The following CES3 variants were observed in gnomAD, a reference collection of about 807,000 sequenced individuals.
The protein encoded by CES3 is carboxylesterase 3.
CES3 carries 49 observed loss-of-function variants against 57.6 expected under a neutral mutation model. That is an observed-to-expected ratio of 0.85 (90% CI 0.68 to 1.08). The LOEUF (loss-of-function observed/expected upper bound fraction) is 1.08, where lower values mean the gene tolerates loss of function less well. Among genes scored for constraint, CES3 ranks in the 50% least tolerant of loss-of-function variants. The probability of loss-of-function intolerance (pLI) is 0.00; values close to 1 mark genes in which losing one functional copy is unlikely to be tolerated. For synonymous variants in CES3, 266 were observed against 281.6 expected (o/e 0.94, Z 0.55); for missense variants, 645 against 742.0 (o/e 0.87, Z 1.52).
In CES3 at chr16:66,963,879, T is replaced by TG. The variant is rs1211029742; in HGVS notation, c.508dup (p.Asp170GlyfsTer22). ...ACGATGGATCAGCTCTGGCTGCCTA[T>TG]GGGGATGTGGTCGTGGTTACAGTCC... On this transcript the variant is annotated frameshift_variant, in exon 4 of 13. Transcript: ENST00000303334. LOFTEE classifies it high-confidence loss of function. The surrounding 1 kb of genome is among the most constrained non-coding windows in gnomAD (Gnocchi z 4.9). 1 of 1,614,064 alleles carries TG rather than the reference T, an allele frequency of 6.2e-7. No individual in the cohort carries two copies. Among genetic ancestry groups the TG allele is most frequent in the East Asian group, 2.2e-5 (1 of 44,894 alleles).
At chr16:66,972,778 G>T (rs1428752484) in intron 12 of CES3, 32 bp downstream of exon 12, 2 of 1,614,066 alleles carry the variant, frequency 1.2e-6, no homozygotes, top group African/African-American at 1.3e-5. Context: ...GCTCGCTTTG[G>T]GCCTGGGATG....
At position 66,964,396 on chromosome 16, in the gene CES3, A is replaced by C. The variant is rs761461130; in HGVS notation, c.600A>C (p.Leu200=). ...ATGCACCTGGCAACCAGGGCTTCCT[A>C]GATGTGGTAGCTGCTTTGCGCTGGG... ...DEHAPGNQGF[L]DVVAALRWVQ... Residue 200 remains leucine, a synonymous_variant, in exon 5 of 13, where the codon CTA becomes CTC. Coordinates refer to ENST00000303334, the MANE Select transcript of CES3 (RefSeq NM_024922.6). 1.2e-6 allele frequency: 2 copies of C among 1,614,056 alleles called. No individual in the cohort carries two copies. Among genetic ancestry groups the C allele is most frequent in the Non-Finnish European group, 1.7e-6 (2 of 1,179,990 alleles).
At position 66,963,569 on chromosome 16, in the gene CES3, G is replaced by A. The variant is rs776871021; in HGVS notation, c.366G>A (p.Glu122=). ...AACAGCAGATCTTCTCCGTTTCAGAGGACTGCCTGGTCCTCAACGTCTATA... is the reference window on the plus strand; with the variant it reads ...AACAGCAGATCTTCTCCGTTTCAGAAGACTGCCTGGTCCTCAACGTCTATA... ...NGKQQIFSVS[E]DCLVLNVYSP... is the part of the protein sequence containing the mutation. The change falls in exon 3 of 13, where the codon GAG becomes GAA. Residue 122 remains glutamate, a synonymous_variant. Coordinates refer to ENST00000303334, the MANE Select transcript of CES3 (RefSeq NM_024922.6). This position sits in a 1 kb window ranked among gnomAD's most constrained non-coding sequence, Gnocchi z 4.9. 1.9e-6 allele frequency: 3 copies of A among 1,614,232 alleles called. No homozygotes were observed. In the South Asian group the frequency reaches 3.3e-5, roughly 18 times the overall value.
rs752624979 is a variant in CES3, at chr16:66,972,316, G to T, written c.1292-40G>T. 2.6e-6 allele frequency: 4 copies of T among 1,531,644 alleles called. No homozygotes were observed. The Admixed American group carries it at 8.4e-5, about 32-fold the overall frequency. The allele number at this position is 1,531,644 out of a possible 1,614,324, so 94.9% of individuals were successfully genotyped here. On this transcript the variant is annotated intron_variant, in intron 10 of 12. Coordinates refer to ENST00000303334, the MANE Select transcript of CES3 (RefSeq NM_024922.6). ...GCTGCCAAAGGCAGCATCGAATCAGGCCATGAGTGCCTAACTCCCATCCCA... is the reference window on the plus strand; with the variant it reads ...GCTGCCAAAGGCAGCATCGAATCAGTCCATGAGTGCCTAACTCCCATCCCA...
At chr16:66,969,387 CG>C (rs1963791431) in intron 8 of CES3, among the ~76,000 whole-genome samples, 1 of 152,298 alleles carries the variant, frequency 6.6e-6, no homozygotes, top group Admixed American at 6.5e-5. Flanking sequence ...GCCTGGGCAA[CG>C]GAGTGAGTCT....
rs772795345 is a variant in CES3, at chr16:66,964,338, G to A, written c.561-19G>A. On this transcript the variant is annotated intron_variant, in intron 4 of 12. Coordinates refer to ENST00000303334, the MANE Select transcript of CES3 (RefSeq NM_024922.6). ...GAGGAGCCAGGCTGAACTAACCGTT[G>A]CCCCAACACTGCCCCCAGCACTGGA... is the stretch of plus-strand genomic sequence containing the variant. The A allele has an allele frequency of 9.3e-6, 15 of 1,611,632 alleles. No individual in the cohort carries two copies. Among genetic ancestry groups the A allele is most frequent in the Admixed American group, 5.0e-5 (3 of 59,878 alleles).
chr16:66,964,103 C>T (rs1355077055), intron 4 of CES3, among the ~76,000 whole-genome samples, 168 bp downstream of exon 4: 1 of 152,184 alleles, frequency 6.6e-6, no homozygotes, highest in African/African-American at 2.4e-5. Context: ...GGAGAGGGGT[C>T]CAGCCAAAGC....
At chr16:66,971,858 A>T (rs1178826433) in intron 10 of CES3, among the ~76,000 whole-genome samples, 1 of 152,180 alleles carries the variant, frequency 6.6e-6, no homozygotes, top group East Asian at 1.9e-4. Flanking sequence ...GACACTGGCC[A>T]GGCGCGGTGG....
chr16:66,967,884 G>T, intron 8 of CES3: 1 of 466,106 alleles, frequency 2.1e-6, no homozygotes, highest in Non-Finnish European at 2.8e-6. Flanking sequence ...AGCTTCCTGA[G>T]TAGCTCGGGC....
chr16:66,973,346 T>C lies in CES3; in HGVS notation c.*297T>C, dbSNP rs1963877014. 1 of 340,908 alleles carries C rather than the reference T, an allele frequency of 2.9e-6. No homozygotes were observed. Among genetic ancestry groups the C allele is most frequent in the Admixed American group, 4.3e-5 (1 of 23,028 alleles). 21.1% of individuals were successfully genotyped at this position (340,908 alleles called of 1,614,324 possible). A position where few individuals can be genotyped will look rare whatever the true frequency, so the allele number is the denominator to read the frequency against. ...ACTCACTCCCCCAGGAAGCCTTCCC[T>C]GCCTTCTCTGGGCTGTGCGGCCCCG... On this transcript the variant is annotated 3_prime_UTR_variant, in exon 13 of 13. Coordinates refer to ENST00000303334, the MANE Select transcript of CES3 (RefSeq NM_024922.6).
In CES3 at chr16:66,963,361, G is replaced by C. The variant is rs759064448; in HGVS notation, c.265G>C (p.Asp89His). 6 of 1,613,022 alleles carry C rather than the reference G, an allele frequency of 3.7e-6. No individual in the cohort carries two copies. The highest frequency in any genetic ancestry group is 1.7e-5 in the Admixed American group (1 of 60,030). ...AGCACAGCCCTGGGAGGGTGTGCGGGATGCCAGCACTGCGCCCCCAATGTG... is the reference window on the plus strand; with the variant it reads ...AGCACAGCCCTGGGAGGGTGTGCGGCATGCCAGCACTGCGCCCCCAATGTG... ...HPAQPWEGVR[D>H]ASTAPPMCLQ... The change falls in exon 2 of 13, where the codon GAT becomes CAT. Residue 89 changes from aspartate (D) to histidine (H), a missense_variant. Coordinates refer to ENST00000303334, the MANE Select transcript of CES3 (RefSeq NM_024922.6). The surrounding 1 kb of genome is among the most constrained non-coding windows in gnomAD (Gnocchi z 4.9).
At chr16:66,966,076 C>T (rs1567556307) in intron 6 of CES3, among the ~76,000 whole-genome samples, 168 bp from the exon 7 acceptor site, 1 of 152,086 alleles carries the variant, frequency 6.6e-6, no homozygotes, top group African/African-American at 2.4e-5. Flanking sequence ...AGCTGACGGG[C>T]AGGGCAGGCT....
At position 66,964,669 on chromosome 16, in the gene CES3, A is replaced by G. The variant is rs1963705082; in HGVS notation, c.761A>G (p.Gln254Arg). 1 of 1,613,962 alleles carries G rather than the reference A, an allele frequency of 6.2e-7. No homozygotes were observed. The highest frequency in any genetic ancestry group is 1.7e-5 in the Admixed American group (1 of 59,994). ...GGGCTGTTCCACAGAGCCATCACAC[A>G]GAGTGGGGTCATCACCACCCCAGGG... is the stretch of plus-strand genomic sequence containing the variant. ...AAGLFHRAIT[Q>R]SGVITTPGII... is the part of the protein sequence containing the mutation. The change falls in exon 6 of 13, where the codon CAG becomes CGG. Residue 254 changes from glutamine (Q) to arginine (R), a missense_variant. Gln to Arg is a conservative substitution (Grantham distance 43, BLOSUM62 1). Coordinates refer to ENST00000303334, the MANE Select transcript of CES3 (RefSeq NM_024922.6).
At chr16:66,964,826 G>A (rs1597020241) in intron 6 of CES3, 99 bp downstream of exon 6, 2 of 892,216 alleles carry the variant, frequency 2.2e-6, no homozygotes, top group Non-Finnish European at 3.4e-6. Context: ...CTGGCAGGGA[G>A]CTCCCTGTTA....
chr16:66,961,458 GAGC>G, intron 1 of CES3, 69 bp downstream of exon 1: 1 of 1,324,768 alleles, frequency 7.5e-7, no homozygotes, highest in Non-Finnish European at 1.1e-6. Flanking sequence ...CAGGGACAGG[GAGC>G]AGTGGGCCGA....
chr16:66,973,252 C>A lies in CES3; in HGVS notation c.*203C>A. The A allele has an allele frequency of 1.7e-6, 1 of 581,414 alleles. No homozygotes were observed. The highest frequency in any genetic ancestry group is 2.1e-5 in the South Asian group (1 of 47,906). The allele number at this position is 581,414 out of a possible 1,614,324, so 36.0% of individuals were successfully genotyped here. ...TCTGGGGCATTGTACAAGTTCTTCC[C>A]TCTCCCTGAAGTGCCTTTCCTGCTT... On this transcript the variant is annotated 3_prime_UTR_variant, in exon 13 of 13. Transcript: ENST00000303334.
chr16:66,962,356 C>T (rs1423800162), intron 1 of CES3, among the ~76,000 whole-genome samples: 12 of 152,208 alleles, frequency 7.9e-5, no homozygotes, highest in Admixed American at 7.9e-4. Context: ...CTGGGAGAGG[C>T]AGTCCTCCAG....
rs1340819381 is a variant in CES3, at chr16:66,963,624, A to C, written c.421A>C (p.Arg141=). The change falls in exon 3 of 13, where the codon AGG becomes CGG. Residue 141 remains arginine, a synonymous_variant. Transcript: ENST00000303334. The surrounding 1 kb of genome is among the most constrained non-coding windows in gnomAD (Gnocchi z 4.9). Reference sequence around the variant, plus strand: ...AGCTGAGGTCCCCGCAGGGTCCGGTAGGCCGGTAGGCACCCCAGAGGGCCC... The same window carrying C: ...AGCTGAGGTCCCCGCAGGGTCCGGTCGGCCGGTAGGCACCCCAGAGGGCCC... The part of the protein sequence containing the change: ...SPAEVPAGSG[R]PVMVWVHGGA... The C allele has an allele frequency of 1.2e-6, 2 of 1,614,106 alleles. No individual in the cohort carries two copies. The highest frequency in any genetic ancestry group is 3.3e-5 in the Admixed American group (2 of 60,024).
At chr16:66,971,370 G>T (rs1224168902) in intron 10 of CES3, 51 bp downstream of exon 10, 1 of 1,584,640 alleles carries the variant, frequency 6.3e-7, no homozygotes, top group Non-Finnish European at 8.6e-7. Context: ...GGGCCCAGGA[G>T]CTGGGTCATC....
Sources: gnomAD v4.1 joint callset for allele counts (sites outside exome capture counted in the v4.1 genomes callset) on GRCh38, gnomAD v4.1.1 for gene constraint, Gnocchi (gnomAD v3.1) non-coding constraint, MANE v1.5 for transcripts, NCBI Gene and HGNC (gene_info 2026-07-23, HGNC 2026-07-21) for gene names.